RAB6B: variants seen among roughly 807,000 people sequenced by gnomAD.
The protein encoded by RAB6B is ras-related protein Rab-6B.
Under a neutral mutation model 31.2 loss-of-function variants are expected in RAB6B, and 7 were observed. The ratio of observed to expected loss-of-function variants is 0.22; its 90% CI spans 0.13 to 0.42. The LOEUF (loss-of-function observed/expected upper bound fraction) is 0.42, where lower values mean the gene tolerates loss of function less well. Among genes scored for constraint, RAB6B ranks in the 10% least tolerant of loss-of-function variants. The probability of loss-of-function intolerance (pLI) is 1.00; values close to 1 mark genes in which losing one functional copy is unlikely to be tolerated. For synonymous variants in RAB6B, 105 were observed against 104.9 expected (o/e 1.00, Z -0.01); for missense variants, 149 against 280.6 (o/e 0.53, Z 3.35).
At chr3:133,877,864 T>TA (rs754216564) in intron 1 of RAB6B, among the ~76,000 whole-genome samples, 7 of 150,842 alleles carry the variant, frequency 4.6e-5, no homozygotes, top group Non-Finnish European at 7.4e-5. Context: ...TTACACGGGG[T>TA]AAAAAATAGA....
chr3:133,866,894 GC>G (rs1216411781), intron 1 of RAB6B, among the ~76,000 whole-genome samples: 1 of 152,276 alleles, frequency 6.6e-6, no homozygotes, highest in African/African-American at 2.4e-5. Flanking sequence ...AGGCAGCGAC[GC>G]TCTGCGTCTT....
At chr3:133,871,140 C>T (rs1576405722) in intron 1 of RAB6B, among the ~76,000 whole-genome samples, 1 of 152,268 alleles carries the variant, frequency 6.6e-6, no homozygotes, top group Non-Finnish European at 1.5e-5. Flanking sequence ...CTGGGGCTCA[C>T]TGTGTGCCAG....
At chr3:133,841,800 C>T in intron 2 of RAB6B, 137 bp from the exon 3 acceptor site, 2 of 713,946 alleles carry the variant, frequency 2.8e-6, no homozygotes, top group South Asian at 3.7e-5. Flanking sequence ...GCTCTGTCCT[C>T]CCTGCCCCTC....
intron 2 of RAB6B, among the ~76,000 whole-genome samples, chr3:133,854,767 C>T (rs1275052754): frequency 2.0e-5 from 3 of 152,214 alleles, no homozygotes; most frequent in East Asian, 1.9e-4. Context: ...ACATTACATG[C>T]TTCCTTCTGC....
At chr3:133,878,955 C>A (rs781514272) in intron 1 of RAB6B, among the ~76,000 whole-genome samples, 6 of 152,182 alleles carry the variant, frequency 3.9e-5, no homozygotes, top group Non-Finnish European at 8.8e-5. Context: ...GATACCCACA[C>A]ATTCACACTT....
intron 1 of RAB6B, among the ~76,000 whole-genome samples, chr3:133,893,935 G>C (rs1254898549): frequency 6.6e-6 from 1 of 152,176 alleles, no homozygotes; most frequent in African/African-American, 2.4e-5. Context: ...GGCTGGCTGA[G>C]TGGATCTTCT....
intron 2 of RAB6B, among the ~76,000 whole-genome samples, chr3:133,855,764 C>T (rs1340792408): frequency 6.6e-6 from 1 of 152,174 alleles, no homozygotes; most frequent in East Asian, 1.9e-4. Flanking sequence ...ATCCTGAGTC[C>T]ATTCCACTTA....
At chr3:133,850,804 A>C (rs1235264162) in intron 2 of RAB6B, among the ~76,000 whole-genome samples, 1 of 152,070 alleles carries the variant, frequency 6.6e-6, no homozygotes, top group African/African-American at 2.4e-5. Context: ...AACTCATCCA[A>C]CTCCAAGCAT....
chr3:133,829,287 G>A (rs1359067758), intron 7 of RAB6B, among the ~76,000 whole-genome samples: 3 of 152,220 alleles, frequency 2.0e-5, no homozygotes, highest in African/African-American at 7.2e-5. Context: ...CTAATTGGCA[G>A]CAGGAGCAAA....
intron 2 of RAB6B, among the ~76,000 whole-genome samples, chr3:133,846,542 C>A (rs1266762889): frequency 6.6e-6 from 1 of 152,100 alleles, no homozygotes; most frequent in Non-Finnish European, 1.5e-5. Context: ...CCAACTTCAC[C>A]CAATTTAATT....
intron 5 of RAB6B, 60 bp downstream of exon 5, chr3:133,839,446 C>T (rs1935788126): frequency 4.3e-6 from 6 of 1,399,870 alleles, no homozygotes; most frequent in Non-Finnish European, 6.1e-6. Context: ...GCTCCCTGTC[C>T]AGGAGCAGTT....
chr3:133,854,497 G>A (rs1936047211), intron 2 of RAB6B, among the ~76,000 whole-genome samples: 1 of 152,224 alleles, frequency 6.6e-6, no homozygotes, highest in Non-Finnish European at 1.5e-5. Context: ...CTCCTGCACT[G>A]CACCATGTCC....
rs1461186089 is a variant in RAB6B, at chr3:133,826,981, G to A, written c.*1807C>T. Reference sequence around the variant, plus strand: ...TATAAAAACTAAACACATGACATCTGAAACACGTTCAAACATTGGTCCTTG... The same window carrying A: ...TATAAAAACTAAACACATGACATCTAAAACACGTTCAAACATTGGTCCTTG... On this transcript the variant is annotated 3_prime_UTR_variant, in exon 8 of 8. Transcript: ENST00000285208. The A allele has an allele frequency of 6.6e-6, 1 of 152,630 alleles. No homozygotes were observed. Among genetic ancestry groups the A allele is most frequent in the African/African-American group, 2.4e-5 (1 of 41,438 alleles). The allele number at this position is 152,630 out of a possible 1,614,324, so 9.5% of individuals were successfully genotyped here. A position where few individuals can be genotyped will look rare whatever the true frequency, so the allele number is the denominator to read the frequency against.
rs1935573677 is a variant in RAB6B at position 133,826,908 on chromosome 3, G to A, written c.*1880C>T. 6.6e-6 allele frequency: 1 copy of A among 152,666 alleles called. No individual in the cohort carries two copies. Among genetic ancestry groups the A allele is most frequent in the Non-Finnish European group, 1.5e-5 (1 of 68,046 alleles). The allele number at this position is 152,666 out of a possible 1,614,324, so 9.5% of individuals were successfully genotyped here. The stretch of plus-strand genomic sequence containing the variant: ...TGTATCTCCGTGAGGATGTGTTTGT[G>A]GAAGGTGTATACACAAGTCTATCTC... On this transcript the variant is annotated 3_prime_UTR_variant, in exon 8 of 8. Transcript: ENST00000285208.
chr3:133,844,938 G>T (rs914062025), intron 2 of RAB6B, among the ~76,000 whole-genome samples: 3 of 84,352 alleles, frequency 3.6e-5, no homozygotes, highest in African/African-American at 1.1e-4. Flanking sequence ...GCAAGACCCT[G>T]GCTCAAAAGA....
intron 1 of RAB6B, among the ~76,000 whole-genome samples, chr3:133,869,066 C>T (rs957465661): frequency 1.3e-5 from 2 of 152,000 alleles, no homozygotes; most frequent in African/African-American, 4.8e-5. Flanking sequence ...AGGACACCTG[C>T]AAGGAGGAGG....
rs1559896922 is a variant in RAB6B, at chr3:133,827,746, A to ACCACCCCCCCCCCCC, written c.*1041_*1042insGGGGGGGGGGGGTGG. On this transcript the variant is annotated 3_prime_UTR_variant, in exon 8 of 8. Coordinates refer to ENST00000285208, the MANE Select transcript of RAB6B (RefSeq NM_016577.4). ...TCAAGGTGGTGGTTCTGCAGACAAC[A>ACCACCCCCCCCCCCC]CCCCCCCCCCCCCCCGCCTCCCCAT... The ACCACCCCCCCCCCCC allele has an allele frequency of 1.6e-4, 12 of 73,622 alleles. 1 individual carries two copies. Among genetic ancestry groups the ACCACCCCCCCCCCCC allele is most frequent in the Non-Finnish European group, 2.7e-4 (10 of 37,494 alleles). 4.6% of individuals were successfully genotyped at this position (73,622 alleles called of 1,614,324 possible). A position where few individuals can be genotyped will look rare whatever the true frequency, so the allele number is the denominator to read the frequency against.
In RAB6B at chr3:133,828,711, C is replaced by A. The variant is rs1576390248; in HGVS notation, c.*77G>T. The A allele has an allele frequency of 2.7e-6, 4 of 1,461,310 alleles. No individual in the cohort carries two copies. Among genetic ancestry groups the A allele is most frequent in the Non-Finnish European group, 3.8e-6 (4 of 1,046,420 alleles). The allele number at this position is 1,461,310 out of a possible 1,614,324, so 90.5% of individuals were successfully genotyped here. On this transcript the variant is annotated 3_prime_UTR_variant, in exon 8 of 8. Transcript: ENST00000285208. ...CCCATCTTGATAACTCGGTTCCCTC[C>A]CCCCTTAGGAAGCTAGCCAATAGGA...
rs114525137 is a variant in RAB6B, at chr3:133,862,654, C to T, written c.129+1930G>A. ...CCAAGGGCAGTAGGAGCAGGGAAGT[C>T]GGCTGGACCACAGGATGGGGGACAA... On this transcript the variant is annotated intron_variant, in intron 2 of 7. Coordinates refer to ENST00000285208, the MANE Select transcript of RAB6B (RefSeq NM_016577.4). Among the ~76,000 whole-genome samples, 292 of 152,176 alleles carry T rather than the reference C, an allele frequency of 1.9e-3. 4 individuals carry two copies. Among genetic ancestry groups the T allele is most frequent in the African/African-American group, 6.3e-3 (263 of 41,514 alleles).
Sources: allele counts gnomAD v4.1 joint callset (sites outside exome capture counted in the v4.1 genomes callset), GRCh38; gene constraint gnomAD v4.1.1; transcripts MANE v1.5; gene names NCBI Gene and HGNC (gene_info 2026-07-23, HGNC 2026-07-21).